The following DHX37 variants were observed in gnomAD, a reference collection of about 807,000 sequenced individuals.
DHX37 encodes the protein probable ATP-dependent RNA helicase DHX37.
In DHX37, 52 loss-of-function variants were observed where a neutral mutation model predicts 134.3. The observed-to-expected ratio is 0.39, with a 90% CI of 0.31 to 0.49. The LOEUF is 0.49. DHX37 is among the 20% of genes least tolerant of loss of function. The pLI is 0.93. For missense variants in DHX37, 1,344 were observed against 1,580.8 expected, an observed-to-expected ratio of 0.85 and a Z score of 2.54; for synonymous variants, 634 against 670.7, an observed-to-expected ratio of 0.95 and a Z score of 0.85.
intron 20 of DHX37, chr12:124,953,604 A>G: frequency 2.2e-6 from 1 of 458,336 alleles, no homozygotes; most frequent in Non-Finnish European, 3.9e-6. Flanking sequence ...CGGTGATGGA[A>G]AATGGCAGGG....
chr12:124,985,217 G>A (rs1328036364), intron 2 of DHX37, among the ~76,000 whole-genome samples: 3 of 152,090 alleles, frequency 2.0e-5, no homozygotes. Context: ...ACATCCCCAG[G>A]AAACTAGTAC....
chr12:124,975,323 C>T lies in DHX37; in HGVS notation c.980+96G>A, dbSNP rs1006365340. The T allele has an allele frequency of 7.3e-5, 94 of 1,281,924 alleles. 1 individual carries two copies. Among genetic ancestry groups the T allele is most frequent in the South Asian group, 2.4e-4 (19 of 77,584 alleles). The allele number at this position is 1,281,924 out of a possible 1,614,324, so 79.4% of individuals were successfully genotyped here. A position where few individuals can be genotyped will look rare whatever the true frequency, so the allele number is the denominator to read the frequency against. On this transcript the variant is annotated intron_variant, in intron 6 of 26. Coordinates refer to ENST00000308736, the MANE Select transcript of DHX37 (RefSeq NM_032656.4). The stretch of plus-strand genomic sequence containing the variant: ...GAGGTGACACTCCACCCAGCACCCT[C>T]GGCACAGATGCTGCTCACCTCCTCC...
intron 7 of DHX37, 139 bp from the exon 8 acceptor site, chr12:124,971,554 G>T: frequency 2.2e-6 from 3 of 1,380,276 alleles, no homozygotes; most frequent in Non-Finnish European, 2.9e-6. Context: ...GCTCAACTCA[G>T]ATGCCCGCAG....
chr12:124,965,672 A>G lies in DHX37; in HGVS notation c.1731T>C (p.Asp577=). The part of the protein sequence containing the change: ...LDLDLGDGGQ[D]GGEQPDASLP... ...GAATCGGTGCTCGGGCCACACCTCC[A>G]TCTTGCCCGCCATCCCCCAGGTCCA... The change falls in exon 13 of 27, where the codon GAT becomes GAC. Residue 577 remains aspartate, a synonymous_variant. Transcript: ENST00000308736. The G allele has an allele frequency of 6.2e-7, 1 of 1,607,052 alleles. No homozygotes were observed. The highest frequency in any genetic ancestry group is 8.5e-7 in the Non-Finnish European group (1 of 1,176,074).
chr12:124,976,552 G>A (rs549680719), intron 5 of DHX37, among the ~76,000 whole-genome samples: 66 of 152,276 alleles, frequency 4.3e-4, no homozygotes, highest in African/African-American at 1.6e-3. Flanking sequence ...TCTCTTGGCC[G>A]GGTGCAGTGG....
In DHX37 at chr12:124,984,481, C is replaced by T. The variant is rs1039660437; in HGVS notation, c.276+1615G>A. Among the ~76,000 whole-genome samples the T allele has an allele frequency of 6.6e-5, 10 of 151,814 alleles. No individual in the cohort carries two copies. In the East Asian group the frequency reaches 9.7e-4, roughly 15 times the overall value. ...CCGGGAGGTGGAGGTTGCGGTGCGC[C>T]GAGATCATGCCATTGCACTCCAGCC... On this transcript the variant is annotated intron_variant, in intron 2 of 26. Coordinates refer to ENST00000308736, the MANE Select transcript of DHX37 (RefSeq NM_032656.4).
At chr12:124,959,935 C>T (rs1413155577) in intron 16 of DHX37, among the ~76,000 whole-genome samples, 1 of 152,214 alleles carries the variant, frequency 6.6e-6, no homozygotes, top group African/African-American at 2.4e-5. Flanking sequence ...GCTTAGCCTG[C>T]CCTGGAGCAG....
In DHX37 at chr12:124,964,954, C is replaced by G. The variant is rs759736418; in HGVS notation, c.1788G>C (p.Leu596=). The G allele has an allele frequency of 3.8e-6, 6 of 1,597,536 alleles. No individual in the cohort carries two copies. The highest frequency in any genetic ancestry group is 1.1e-5 in the South Asian group (1 of 87,490). Reference sequence around the variant, plus strand: ...CCTGTGCTTGCTTCTCTGGGGCCAGCAGAGAGTACAGCGGGAGCACGTGGA... The same window carrying G: ...CCTGTGCTTGCTTCTCTGGGGCCAGGAGAGAGTACAGCGGGAGCACGTGGA... ...LPLHVLPLYS[L]LAPEKQAQVF... is the part of the protein sequence containing the mutation. Residue 596 remains leucine, a synonymous_variant, in exon 14 of 27, where the codon CTG becomes CTC. Transcript: ENST00000308736.
At chr12:124,982,016 G>A (rs1356946349) in intron 3 of DHX37, among the ~76,000 whole-genome samples, 2 of 151,846 alleles carry the variant, frequency 1.3e-5, no homozygotes, top group Non-Finnish European at 2.9e-5. Context: ...CCAGCTACTT[G>A]GGAGGCTGAG....
At chr12:124,953,639 C>T in intron 20 of DHX37, 2 of 623,242 alleles carry the variant, frequency 3.2e-6, no homozygotes, top group South Asian at 2.1e-5. Flanking sequence ...AAAGGTGAAA[C>T]CGAGCGACGA....
chr12:124,953,618 A>C, intron 20 of DHX37: 4 of 494,674 alleles, frequency 8.1e-6, no homozygotes, highest in Non-Finnish European at 1.1e-5. Context: ...GGCAGGGGGT[A>C]TCGCCAGGGA....
chr12:124,977,416 G>C lies in DHX37; in HGVS notation c.813C>G (p.Val271=), dbSNP rs1954669788. 6.2e-6 allele frequency: 10 copies of C among 1,611,622 alleles called. No individual in the cohort carries two copies. Among genetic ancestry groups the C allele is most frequent in the Non-Finnish European group, 8.5e-6 (10 of 1,179,222 alleles). Residue 271 remains valine, a synonymous_variant, in exon 5 of 27, where the codon GTC becomes GTG. Coordinates refer to ENST00000308736, the MANE Select transcript of DHX37 (RefSeq NM_032656.4). ...CGCTGCCGGTCTCACCACACACGAT[G>C]ACGATGGGGTGCTCGGCCACAGCCT... The part of the protein sequence containing the change: ...IMEAVAEHPI[V]IVCGETGSGK...
At chr12:124,977,795 C>T (rs759482933) in intron 4 of DHX37, among the ~76,000 whole-genome samples, 3 of 152,112 alleles carry the variant, frequency 2.0e-5, no homozygotes, top group African/African-American at 7.2e-5. Flanking sequence ...CCAGCCACTT[C>T]GATAAATAAT....
intron 15 of DHX37, among the ~76,000 whole-genome samples, chr12:124,961,938 A>C (rs534016341): frequency 7.4e-4 from 113 of 152,192 alleles, no homozygotes; most frequent in Non-Finnish European, 1.3e-3. Context: ...AAAATACTGA[A>C]GCTTTCATAT....
rs182176708 is a variant in DHX37, at chr12:124,963,914, C to T, written c.2045+480G>A. Among the ~76,000 whole-genome samples the T allele has an allele frequency of 6.5e-3, 934 of 142,930 alleles. 6 individuals carry two copies. The highest frequency in any genetic ancestry group is 0.021 in the Middle Eastern group (5 of 236). 93.8% of individuals were successfully genotyped at this position (142,930 alleles called of 152,430 possible). ...AAAAAAAAAAAAAAAAGAAACAGTG[C>T]GAGTAGGCCAGGCATGGTGGCTCAC... On this transcript the variant is annotated intron_variant, in intron 15 of 26. Transcript: ENST00000308736.
intron 15 of DHX37, among the ~76,000 whole-genome samples, chr12:124,963,407 T>C (rs1839944089): frequency 6.6e-6 from 1 of 152,204 alleles, no homozygotes; most frequent in Non-Finnish European, 1.5e-5. Flanking sequence ...TTTGGGTTGA[T>C]GGGAAGTTCT....
intron 9 of DHX37, 37 bp from the exon 10 acceptor site, chr12:124,968,685 G>C (rs770109673): frequency 6.2e-7 from 1 of 1,612,868 alleles, no homozygotes; most frequent in Non-Finnish European, 8.5e-7. Flanking sequence ...GAGTGGGGGG[G>C]ACACGAGCTT....
In DHX37 at chr12:124,956,688, C is replaced by T. The variant is rs1043725512; in HGVS notation, c.2453+3G>A. 6.4e-7 allele frequency: 1 copy of T among 1,552,684 alleles called. No individual in the cohort carries two copies. Among genetic ancestry groups the T allele is most frequent in the South Asian group, 1.2e-5 (1 of 84,160 alleles). The stretch of plus-strand genomic sequence containing the variant: ...CCTGAGTGCCCAGCCGCCAACCTCG[C>T]ACCTGTCCAGCTCCTCAAACAGCTC... On this transcript the variant is annotated splice_donor_region_variant and intron_variant, in intron 18 of 26. Coordinates refer to ENST00000308736, the MANE Select transcript of DHX37 (RefSeq NM_032656.4).
intron 1 of DHX37, among the ~76,000 whole-genome samples, chr12:124,986,838 C>G (rs528146748): frequency 6.6e-6 from 1 of 152,180 alleles, no homozygotes; most frequent in East Asian, 2.0e-4. Flanking sequence ...CTCCGCCTCC[C>G]AGGTTCCAGC....
Sources: gnomAD v4.1 joint callset for allele counts (sites outside exome capture counted in the v4.1 genomes callset) on GRCh38, gnomAD v4.1.1 for gene constraint, MANE v1.5 for transcripts, NCBI Gene and HGNC (gene_info 2026-07-23, HGNC 2026-07-21) for gene names.